STEAP2: variants seen among roughly 807,000 people sequenced by gnomAD.
The protein encoded by STEAP2 is STEAP2 metalloreductase, also known as metalloreductase STEAP2.
Under a neutral mutation model 46.4 loss-of-function variants are expected in STEAP2, and 30 were observed. That is an observed-to-expected ratio of 0.65 (90% confidence interval 0.48 to 0.88). The LOEUF (loss-of-function observed/expected upper bound fraction) is 0.88. Among genes scored for constraint, STEAP2 ranks in the 40% least tolerant of loss-of-function variants. The probability of loss-of-function intolerance (pLI) is 0.00; values close to 1 mark genes in which losing one functional copy is unlikely to be tolerated. For missense variants in STEAP2, 513 were observed against 579.3 expected (o/e 0.89, Z 1.18); for synonymous variants, 180 against 200.5 (o/e 0.90, Z 0.86).
chr7:90,236,019 G>GTA lies in STEAP2; in HGVS notation c.*3395_*3396insTA. ...AAAATTAATCTGATAATAGTAACAA[G>GTA]GTATATTATACTTTCATTACAATCA... On this transcript the variant is annotated 3_prime_UTR_variant, in exon 6 of 6. Coordinates refer to ENST00000394621, the MANE Select transcript of STEAP2 (RefSeq NM_001244944.2). The GTA allele has an allele frequency of 3.4e-6, 3 of 883,758 alleles. No homozygotes were observed. The highest frequency in any genetic ancestry group is 4.1e-6 in the Non-Finnish European group (3 of 737,638). 54.7% of individuals were successfully genotyped at this position (883,758 alleles called of 1,614,324 possible).
rs1795980304 is a variant in STEAP2, at chr7:90,236,915, C to CAGACTGT, written c.*4297_*4298insTAGACTG. ...GATCTTTTGCAGCTTTGCAGATACC[C>CAGACTGT]AGACTGAGCTGGAACTGGAATTTGT... On this transcript the variant is annotated 3_prime_UTR_variant, in exon 6 of 6. Coordinates refer to ENST00000394621, the MANE Select transcript of STEAP2 (RefSeq NM_001244944.2). 1 of 1,614,000 alleles carries CAGACTGT rather than the reference C, an allele frequency of 6.2e-7. No homozygotes were observed. Among genetic ancestry groups the CAGACTGT allele is most frequent in the Non-Finnish European group, 8.5e-7 (1 of 1,180,014 alleles).
Position 90,225,564 on chromosome 7 carries a change from C to T in STEAP2, c.482C>T (p.Ala161Val). 6.3e-7 allele frequency: 1 copy of T among 1,590,606 alleles called. No homozygotes were observed. Among genetic ancestry groups the T allele is most frequent in the African/African-American group, 1.4e-5 (1 of 73,830 alleles). ...GCACTTCAGTTAGGACCTAAGGATGCCAGCCGGCAGGTATGTATTTTACAT... is the reference window on the plus strand; with the variant it reads ...GCACTTCAGTTAGGACCTAAGGATGTCAGCCGGCAGGTATGTATTTTACAT... ...AWALQLGPKD[A>V]SRQVYICSNN... Residue 161 changes from alanine (A) to valine (V), a missense_variant, in exon 3 of 6, where the codon GCC becomes GTC. Coordinates refer to ENST00000394621, the MANE Select transcript of STEAP2 (RefSeq NM_001244944.2).
At chr7:90,226,886 G>T in intron 3 of STEAP2, 85 bp from the exon 4 acceptor site, 1 of 1,331,044 alleles carries the variant, frequency 7.5e-7, no homozygotes. Context: ...GTCATCACAG[G>T]TGATGGTCCG....
intron 2 of STEAP2, among the ~76,000 whole-genome samples, chr7:90,224,115 G>A (rs1278374350): frequency 6.6e-6 from 1 of 152,182 alleles, no homozygotes; most frequent in Non-Finnish European, 1.5e-5. Context: ...TGTTACAAGT[G>A]TGTTTTTCCA....
chr7:90,219,029 GT>G (rs569911827), intron 2 of STEAP2, among the ~76,000 whole-genome samples: 6 of 149,806 alleles, frequency 4.0e-5, no homozygotes, highest in South Asian at 4.3e-4. Context: ...GTTTGTTTTT[GT>G]TTTTTTTATA....
At chr7:90,239,362 C>T (rs1796031874), downstream of STEAP2, among the ~76,000 whole-genome samples, 1 of 152,200 alleles carries the variant, frequency 6.6e-6, no homozygotes, top group South Asian at 2.1e-4. Flanking sequence ...AACTTCTAGC[C>T]TCCAGAACTG....
In STEAP2 at chr7:90,226,839, A is replaced by G; in HGVS notation, c.493-132A>G. On this transcript the variant is annotated intron_variant, in intron 3 of 5. Coordinates refer to ENST00000394621, the MANE Select transcript of STEAP2 (RefSeq NM_001244944.2). ...CTATTGAAATCTGTTAGATACTATA[A>G]TATAGCTGAAAATTCAACAAGTATT... The G allele has an allele frequency of 3.5e-6, 3 of 860,688 alleles. No homozygotes were observed. In the South Asian group the frequency reaches 5.5e-5, roughly 16 times the overall value. 53.3% of individuals were successfully genotyped at this position (860,688 alleles called of 1,614,324 possible). A position where few individuals can be genotyped will look rare whatever the true frequency, so the allele number is the denominator to read the frequency against.
At position 90,227,259 on chromosome 7, in the gene STEAP2, A is replaced by G. The variant is rs972316007; in HGVS notation, c.781A>G (p.Ile261Val). Reference protein sequence around the residue: ...PIEIVNKTLPIVAITLLSLVY... With the variant: ...PIEIVNKTLPVVAITLLSLVY... Reference sequence around the variant, plus strand: ...AGAGATTGTGAATAAAACCTTACCTATAGTTGCCATTACTTTGCTCTCCCT... The same window carrying G: ...AGAGATTGTGAATAAAACCTTACCTGTAGTTGCCATTACTTTGCTCTCCCT... Residue 261 changes from isoleucine (I) to valine (V), a missense_variant, in exon 4 of 6, where the codon ATA (isoleucine) becomes GTA (valine). Ile to Val is a conservative substitution (Grantham distance 29). Coordinates refer to ENST00000394621, the MANE Select transcript of STEAP2 (RefSeq NM_001244944.2). 1 of 1,613,892 alleles carries G rather than the reference A, an allele frequency of 6.2e-7. No individual in the cohort carries two copies. The highest frequency in any genetic ancestry group is 8.5e-7 in the Non-Finnish European group (1 of 1,179,854).
Position 90,233,776 on chromosome 7 carries a change from C to T in STEAP2, c.*1152C>T, listed in dbSNP as rs541751459. 6.1e-6 allele frequency: 6 copies of T among 985,384 alleles called. No individual in the cohort carries two copies. The highest frequency in any genetic ancestry group is 1.1e-4 in the East Asian group (1 of 8,818). 61.0% of individuals were successfully genotyped at this position (985,384 alleles called of 1,614,324 possible). On this transcript the variant is annotated 3_prime_UTR_variant, in exon 6 of 6. Transcript: ENST00000394621. ...AACCACTAGGCTCTAGAGCTCCCGCCGCGCCCCTATGCATTATGTTCACAA... is the reference window on the plus strand; with the variant it reads ...AACCACTAGGCTCTAGAGCTCCCGCTGCGCCCCTATGCATTATGTTCACAA...
At chr7:90,240,559 AATAATT>A (rs1016141964), downstream of STEAP2, among the ~76,000 whole-genome samples, 14 of 152,140 alleles carry the variant, frequency 9.2e-5, no homozygotes, top group African/African-American at 3.1e-4. This position sits in a 1 kb window ranked among gnomAD's most constrained non-coding sequence, Gnocchi z 4.1. Flanking sequence ...TATGATTAGA[AATAATT>A]ATAATTTTAC....
chr7:90,242,477 C>G (rs761624572), downstream of STEAP2, among the ~76,000 whole-genome samples: 11 of 152,102 alleles, frequency 7.2e-5, no homozygotes, highest in Non-Finnish European at 1.5e-4. Flanking sequence ...TTCCTTTCCC[C>G]TCCCTCCTCT....
At chr7:90,228,933 CT>C (rs1419814607) in intron 4 of STEAP2, among the ~76,000 whole-genome samples, 1 of 152,122 alleles carries the variant, frequency 6.6e-6, no homozygotes, top group Non-Finnish European at 1.5e-5. Flanking sequence ...GTATGATTGC[CT>C]TAGGGAACTA....
At position 90,227,402 on chromosome 7, in the gene STEAP2, A is replaced by G; in HGVS notation, c.924A>G (p.Leu308=). Residue 308 remains leucine (L), a synonymous_variant, in exon 4 of 6, where the codon CTA becomes CTG. Coordinates refer to ENST00000394621, the MANE Select transcript of STEAP2 (RefSeq NM_001244944.2). ...WLQCRKQLGL[L]SFFFAMVHVA... ...AGTGTAGAAAACAGCTTGGATTACT[A>G]AGTTTTTTCTTCGCTATGGTCCATG... 6.2e-7 allele frequency: 1 copy of G among 1,612,812 alleles called. No individual in the cohort carries two copies. Among genetic ancestry groups the G allele is most frequent in the Non-Finnish European group, 8.5e-7 (1 of 1,178,966 alleles).
Position 90,233,646 on chromosome 7 carries a change from G to A in STEAP2, c.*1022G>A, listed in dbSNP as rs376910040. ...TAGTTATTATCCTCATTTTACACAT[G>A]AGGGACCGAAGGATAGAAAAGTTAT... is the stretch of plus-strand genomic sequence containing the variant. On this transcript the variant is annotated 3_prime_UTR_variant, in exon 6 of 6. Transcript: ENST00000394621. 1.1e-4 allele frequency: 98 copies of A among 872,218 alleles called. No homozygotes were observed. The South Asian group carries it at 4.5e-3, about 40-fold the overall frequency. The allele number at this position is 872,218 out of a possible 1,614,324, so 54.0% of individuals were successfully genotyped here. A position where few individuals can be genotyped will look rare whatever the true frequency, so the allele number is the denominator to read the frequency against.
At position 90,225,185 on chromosome 7, in the gene STEAP2, G is replaced by T; in HGVS notation, c.103G>T (p.Val35Leu). 1 of 1,613,976 alleles carries T rather than the reference G, an allele frequency of 6.2e-7. No homozygotes were observed. ...IKDARKVTVGVIGSGDFAKSL... is the reference protein window; with the variant it reads ...IKDARKVTVGLIGSGDFAKSL... ...AGATGCAAGGAAGGTCACTGTAGGT[G>T]TGATTGGAAGTGGAGATTTTGCCAA... The change falls in exon 3 of 6, where the codon GTG becomes TTG. Residue 35 changes from valine (V) to leucine (L), a missense_variant. Physicochemically the swap from Val to Leu is conservative, Grantham distance 32 (BLOSUM62 1). Transcript: ENST00000394621.
the STEAP2 span, among the ~76,000 whole-genome samples, chr7:90,243,190 G>A: frequency 3.9e-5 from 6 of 152,118 alleles, no homozygotes; most frequent in African/African-American, 1.4e-4. Context: ...AATATTCAAC[G>A]TCTGAGGCAG....
Position 90,232,536 on chromosome 7 carries a change from A to T in STEAP2, c.1385A>T (p.Lys462Ile), listed in dbSNP as rs1163775446. Residue 462 changes from lysine (K) to isoleucine (I), a missense_variant, in exon 6 of 6, where the codon AAA becomes ATA. Physicochemically the swap from Lys to Ile is moderately radical, Grantham distance 102 (BLOSUM62 -3). Transcript: ENST00000394621. ...ATAAGCCGAAAGCTAAAACGAATTAAAAAAGGCTGGGAAAAGAGCCAATTT... is the reference window on the plus strand; with the variant it reads ...ATAAGCCGAAAGCTAAAACGAATTATAAAAGGCTGGGAAAAGAGCCAATTT... The part of the protein sequence containing the change: ...PCISRKLKRI[K>I]KGWEKSQFLE... 1 of 1,613,816 alleles carries T rather than the reference A, an allele frequency of 6.2e-7. No individual in the cohort carries two copies. The highest frequency in any genetic ancestry group is 2.2e-5 in the East Asian group (1 of 44,872).
downstream of STEAP2, among the ~76,000 whole-genome samples, chr7:90,242,811 G>A (rs1796079043): frequency 6.6e-6 from 1 of 152,202 alleles, no homozygotes; most frequent in South Asian, 2.1e-4. Flanking sequence ...GCAGAGTGGT[G>A]CAGCAGAAGC....
rs774359211 is a variant in STEAP2 at position 90,226,958 on chromosome 7, G to A, written c.493-13G>A. On this transcript the variant is annotated splice_polypyrimidine_tract_variant and intron_variant, in intron 3 of 5. Transcript: ENST00000394621. ...AACAATGGTAATGCTGAGTCTTTTTGTTTTTTCCACAGGTTTATATATGCA... is the reference window on the plus strand; with the variant it reads ...AACAATGGTAATGCTGAGTCTTTTTATTTTTTCCACAGGTTTATATATGCA... 2 of 1,547,124 alleles carry A rather than the reference G, an allele frequency of 1.3e-6. No homozygotes were observed. The highest frequency in any genetic ancestry group is 2.1e-5 in the Admixed American group (1 of 47,118).
Sources: allele counts gnomAD v4.1 joint callset (sites outside exome capture counted in the v4.1 genomes callset), GRCh38; gene constraint gnomAD v4.1.1; non-coding constraint Gnocchi (gnomAD v3.1); transcripts MANE v1.5; gene names NCBI Gene and HGNC (gene_info 2026-07-23, HGNC 2026-07-21).